Variants in CTXND1 observed in about 807,000 individuals in gnomAD.
The protein encoded by CTXND1 is cortexin domain-containing 1 protein.
intron 1 of CTXND1, among the ~76,000 whole-genome samples, chr15:80,234,476 C>CT (rs5814009): frequency 0.14 from 18,194 of 133,692 alleles, 1,562 homozygotes; most frequent in Non-Finnish European, 0.19. Flanking sequence ...TGAACATGCC[C>CT]TTTTTTTTTT....
chr15:80,210,790 T>C lies in CTXND1; in HGVS notation c.-217-7050A>G, dbSNP rs180871174. On this transcript the variant is annotated intron_variant, in intron 1 of 2. Transcript: ENST00000560778. ...CAGTAGAAATTTATTTCCTCACAGATCTGGAGGCTGGAATTCCCAGGTCAG... is the reference window on the plus strand; with the variant it reads ...CAGTAGAAATTTATTTCCTCACAGACCTGGAGGCTGGAATTCCCAGGTCAG... Among the ~76,000 whole-genome samples the C allele has an allele frequency of 4.7e-3, 721 of 152,344 alleles. 1 individual carries two copies. Among genetic ancestry groups the C allele is most frequent in the Non-Finnish European group, 7.7e-3 (525 of 68,036 alleles).
At chr15:80,220,805 A>C (rs1893306154) in intron 1 of CTXND1, among the ~76,000 whole-genome samples, 2 of 151,774 alleles carry the variant, frequency 1.3e-5, no homozygotes, top group Admixed American at 1.3e-4. Context: ...ACACCTTATA[A>C]TTAGTTATTG....
chr15:80,213,388 C>T (rs1288355956), intron 1 of CTXND1, among the ~76,000 whole-genome samples: 1 of 152,008 alleles, frequency 6.6e-6, no homozygotes, highest in Non-Finnish European at 1.5e-5. Flanking sequence ...TGAATGTTAC[C>T]TTATATGGCA....
intron 1 of CTXND1, among the ~76,000 whole-genome samples, chr15:80,241,057 C>T (rs2141463907): frequency 6.6e-6 from 1 of 152,326 alleles, no homozygotes; most frequent in Middle Eastern, 3.4e-3. Context: ...TTTGTTGATG[C>T]TCATTGCACC....
At chr15:80,222,620 T>C (rs1893330239) in intron 1 of CTXND1, among the ~76,000 whole-genome samples, 1 of 152,186 alleles carries the variant, frequency 6.6e-6, no homozygotes, top group African/African-American at 2.4e-5. Flanking sequence ...CAGTTCCTCC[T>C]CTCTTTTTAA....
chr15:80,210,685 G>C (rs1446627726), intron 1 of CTXND1, among the ~76,000 whole-genome samples: 1 of 152,252 alleles, frequency 6.6e-6, no homozygotes, highest in Admixed American at 6.5e-5. Flanking sequence ...CTATGCTGAT[G>C]TATTTCCTTA....
chr15:80,216,180 C>T lies in CTXND1; in HGVS notation c.-217-12440G>A, dbSNP rs139622780. 4.6e-5 allele frequency among the ~76,000 whole-genome samples: 7 copies of T among 152,276 alleles called. No individual in the cohort carries two copies. In the East Asian group the frequency reaches 1.3e-3, roughly 29 times the overall value. On this transcript the variant is annotated intron_variant, in intron 1 of 2. Transcript: ENST00000560778. ...AAGATCATGTCCCCGTTCTCCAGGG[C>T]TGGGGCGGCACCAAGCTGCATCAAC... is the stretch of plus-strand genomic sequence containing the variant.
intron 1 of CTXND1, among the ~76,000 whole-genome samples, chr15:80,215,816 GC>G (rs1893246875): frequency 6.6e-6 from 1 of 152,110 alleles, no homozygotes; most frequent in South Asian, 2.1e-4. Context: ...CATTCCAGGG[GC>G]TTCGTTGCTC....
At chr15:80,224,717 T>A (rs1448963698) in intron 1 of CTXND1, among the ~76,000 whole-genome samples, 1 of 152,128 alleles carries the variant, frequency 6.6e-6, no homozygotes, top group Non-Finnish European at 1.5e-5. Context: ...TTATTTAGAT[T>A]TTTCGTATTT....
chr15:80,237,864 C>G (rs1893519104), intron 1 of CTXND1, among the ~76,000 whole-genome samples: 1 of 151,934 alleles, frequency 6.6e-6, no homozygotes, highest in South Asian at 2.1e-4. Context: ...CAAAAATTAG[C>G]TGGATGTGGT....
At position 80,196,631 on chromosome 15, in the gene CTXND1, TTA is replaced by T. The variant is rs2041421919; in HGVS notation, c.*5137_*5138del. The T allele has an allele frequency of 6.6e-6, 1 of 152,232 alleles. No individual in the cohort carries two copies. The highest frequency in any genetic ancestry group is 2.1e-4 in the South Asian group (1 of 4,824). The allele number at this position is 152,232 out of a possible 1,614,324, so 9.4% of individuals were successfully genotyped here. On this transcript the variant is annotated 3_prime_UTR_variant, in exon 3 of 3. Coordinates refer to ENST00000560778, the MANE Select transcript of CTXND1 (RefSeq NM_001352888.2). ...AGACAATATGGCTGCTGGTGAGATT[TTA>T]TGTTTCCCCTGTGCCGGGGACAAAA...
At position 80,201,480 on chromosome 15, in the gene CTXND1, A is replaced by C; in HGVS notation, c.*290T>G. On this transcript the variant is annotated 3_prime_UTR_variant, in exon 3 of 3. Transcript: ENST00000560778. Reference sequence around the variant, plus strand: ...TGCCCAGGAACCTGGGAAGGTGACTACCCTATCATCTCACAGGGACTCCCC... The same window carrying C: ...TGCCCAGGAACCTGGGAAGGTGACTCCCCTATCATCTCACAGGGACTCCCC... The C allele has an allele frequency of 3.4e-6, 1 of 297,580 alleles. No individual in the cohort carries two copies. The highest frequency in any genetic ancestry group is 6.2e-6 in the Non-Finnish European group (1 of 162,222). 18.4% of individuals were successfully genotyped at this position (297,580 alleles called of 1,614,324 possible). A position where few individuals can be genotyped will look rare whatever the true frequency, so the allele number is the denominator to read the frequency against.
At chr15:80,232,515 A>G (rs1168307210) in intron 1 of CTXND1, among the ~76,000 whole-genome samples, 1 of 152,194 alleles carries the variant, frequency 6.6e-6, no homozygotes, top group African/African-American at 2.4e-5. Flanking sequence ...TTCTTCTCCA[A>G]ATAATGAAGT....
intron 1 of CTXND1, among the ~76,000 whole-genome samples, chr15:80,235,313 C>T (rs1893482510): frequency 6.6e-6 from 1 of 152,120 alleles, no homozygotes; most frequent in Non-Finnish European, 1.5e-5. Flanking sequence ...CTCCAGGTAC[C>T]GAAAGTACAT....
intron 1 of CTXND1, among the ~76,000 whole-genome samples, chr15:80,232,615 C>G (rs1893443562): frequency 6.6e-6 from 1 of 152,142 alleles, no homozygotes; most frequent in Non-Finnish European, 1.5e-5. Context: ...TTTAAAGCCC[C>G]AACAAGAGCC....
intron 1 of CTXND1, among the ~76,000 whole-genome samples, chr15:80,247,996 C>A (rs900224868): frequency 4.6e-5 from 7 of 152,148 alleles, no homozygotes; most frequent in Non-Finnish European, 8.8e-5. Flanking sequence ...CATCAGCTAT[C>A]GTAGAGGGCA....
intron 1 of CTXND1, among the ~76,000 whole-genome samples, chr15:80,218,958 G>T (rs749841435): frequency 6.6e-6 from 1 of 150,672 alleles, no homozygotes; most frequent in Non-Finnish European, 1.5e-5. Context: ...TTGAGACAGG[G>T]TCTTGTGCTG....
intron 1 of CTXND1, among the ~76,000 whole-genome samples, chr15:80,238,008 CA>C (rs57718635): frequency 0.033 from 2,570 of 76,976 alleles, 100 homozygotes; most frequent in East Asian, 0.29. Context: ...GACTCCATCT[CA>C]AAAAAAAAAA....
Position 80,195,941 on chromosome 15 carries a change from A to T in CTXND1, c.*5829T>A, listed in dbSNP as rs1369616678. 2.0e-5 allele frequency: 3 copies of T among 152,198 alleles called. No homozygotes were observed. The highest frequency in any genetic ancestry group is 4.4e-5 in the Non-Finnish European group (3 of 68,050). The allele number at this position is 152,198 out of a possible 1,614,324, so 9.4% of individuals were successfully genotyped here. A position where few individuals can be genotyped will look rare whatever the true frequency, so the allele number is the denominator to read the frequency against. Reference sequence around the variant, plus strand: ...TTAAATTGGAAGATGATCTTGTGCCATCTGGGGCTCCTTATGTTGAAATAT... The same window carrying T: ...TTAAATTGGAAGATGATCTTGTGCCTTCTGGGGCTCCTTATGTTGAAATAT... On this transcript the variant is annotated 3_prime_UTR_variant, in exon 3 of 3. Coordinates refer to ENST00000560778, the MANE Select transcript of CTXND1 (RefSeq NM_001352888.2).
Sources: allele counts gnomAD v4.1 joint callset (sites outside exome capture counted in the v4.1 genomes callset), GRCh38; gene constraint gnomAD v4.1.1; transcripts MANE v1.5; gene names NCBI Gene and HGNC (gene_info 2026-07-23, HGNC 2026-07-21).